NUDC: variants seen among roughly 807,000 people sequenced by gnomAD.
NUDC encodes nuclear migration protein nudC.
A neutral mutation model predicts 45.0 loss-of-function variants in NUDC; 14 were observed. The ratio of observed to expected loss-of-function variants is 0.31; its 90% CI spans 0.21 to 0.49. NUDC has a LOEUF of 0.49. NUDC is among the 20% of genes least tolerant of loss of function. The pLI is 0.99. For synonymous variants in NUDC, 153 were observed against 156.7 expected, an observed-to-expected ratio of 0.98 and a Z score of 0.17; for missense variants, 323 against 426.2, an observed-to-expected ratio of 0.76 and a Z score of 2.13.
chr1:26,923,902 G>A (rs1457800198), intron 1 of NUDC, among the ~76,000 whole-genome samples, 187 bp from the exon 2 acceptor site: 6 of 152,208 alleles, frequency 3.9e-5, no homozygotes, highest in Non-Finnish European at 8.8e-5. Flanking sequence ...CACAGGATAT[G>A]AGAAATCTGC....
intron 2 of NUDC, among the ~76,000 whole-genome samples, chr1:26,930,638 A>C (rs574559584): frequency 6.7e-6 from 1 of 150,362 alleles, no homozygotes; most frequent in Non-Finnish European, 1.5e-5. Context: ...GGAGCCCAGG[A>C]GTTTGAGGCT....
rs1390308380 is a variant in NUDC at position 26,945,373 on chromosome 1, GGTT to G, written c.742-13_742-11del. Reference sequence around the variant, plus strand: ...CAGAGCAGGCCACCTCCCACCCTCTGGTTGTTCTCTTCACAGATCAATAAGATG... The same window carrying G: ...CAGAGCAGGCCACCTCCCACCCTCTGGTTCTCTTCACAGATCAATAAGATG... On this transcript the variant is annotated splice_polypyrimidine_tract_variant and intron_variant, in intron 6 of 8. Transcript: ENST00000321265. 13 of 1,611,722 alleles carry G rather than the reference GGTT, an allele frequency of 8.1e-6. No individual in the cohort carries two copies. Among genetic ancestry groups the G allele is most frequent in the African/African-American group, 5.3e-5 (4 of 74,830 alleles).
chr1:26,927,421 G>T (rs1009260774), intron 2 of NUDC, among the ~76,000 whole-genome samples: 1 of 145,940 alleles, frequency 6.9e-6, no homozygotes, highest in Admixed American at 6.9e-5. Flanking sequence ...TTTTTGAGAC[G>T]GAGTCTTGCT....
intron 2 of NUDC, among the ~76,000 whole-genome samples, chr1:26,933,661 G>T (rs2082201870): frequency 6.6e-6 from 1 of 151,464 alleles, no homozygotes; most frequent in Admixed American, 6.6e-5. Context: ...TGATCCACCC[G>T]CCTCGGCCTC....
At chr1:26,929,387 A>G (rs1032462787) in intron 2 of NUDC, among the ~76,000 whole-genome samples, 4 of 151,900 alleles carry the variant, frequency 2.6e-5, no homozygotes, top group Non-Finnish European at 5.9e-5. Flanking sequence ...AGCCTGGGCA[A>G]CATAGCAAGA....
chr1:26,905,166 T>A lies in NUDC; in HGVS notation c.-16+2800T>A, dbSNP rs560403315. 2.1e-3 allele frequency among the ~76,000 whole-genome samples: 299 copies of A among 139,720 alleles called. 1 individual carries two copies. Among genetic ancestry groups the A allele is most frequent in the African/African-American group, 6.9e-3 (265 of 38,510 alleles). The allele number at this position is 139,720 out of a possible 152,430, so 91.7% of individuals were successfully genotyped here. On this transcript the variant is annotated intron_variant, in intron 2 of 6. Coordinates refer to the NUDC transcript ENST00000435827. ...TATTATTATTATTATTATTTTTTTT[T>A]TTTTTTTTTTTTGAGACAGAGCCTC...
intron 6 of NUDC, among the ~76,000 whole-genome samples, chr1:26,943,778 A>T (rs1449456894): frequency 6.6e-6 from 1 of 152,178 alleles, no homozygotes; most frequent in Non-Finnish European, 1.5e-5. Context: ...CACAGAGATC[A>T]GTAAATAAAG....
chr1:26,937,157 G>A (rs552035546), intron 2 of NUDC, among the ~76,000 whole-genome samples: 4 of 152,322 alleles, frequency 2.6e-5, no homozygotes, highest in African/African-American at 9.6e-5. Flanking sequence ...TAGCTGTGTA[G>A]GGCTAGGTAT....
intron 2 of NUDC, among the ~76,000 whole-genome samples, chr1:26,928,619 C>A (rs1391920937): frequency 6.6e-6 from 1 of 152,126 alleles, no homozygotes; most frequent in African/African-American, 2.4e-5. Flanking sequence ...ATTGCTTGAG[C>A]CTGGGAGGTT....
chr1:26,941,505 C>T lies in NUDC; in HGVS notation c.208C>T (p.Arg70Trp), dbSNP rs140994074. The part of the protein sequence containing the change: ...SHHNQLAQKT[R>W]REKRARQEAE... ...CCACAATCAGCTGGCACAGAAGACC[C>T]GGCGGGAGAAGAGAGCCCGGCAGGA... Residue 70 changes from arginine (R) to tryptophan (W), a missense_variant, in exon 3 of 9, where the codon CGG becomes TGG. This residue lies in a region of NUDC where 245 missense variants were observed against 278.8 expected (regional missense o/e 0.88). Coordinates refer to ENST00000321265, the MANE Select transcript of NUDC (RefSeq NM_006600.4). The T allele has an allele frequency of 1.0e-4, 162 of 1,613,898 alleles. No homozygotes were observed. Among genetic ancestry groups the T allele is most frequent in the African/African-American group, 2.4e-4 (18 of 74,912 alleles).
chr1:26,936,091 C>T (rs1034847470), intron 2 of NUDC, among the ~76,000 whole-genome samples: 1 of 128,782 alleles, frequency 7.8e-6, no homozygotes, highest in African/African-American at 2.9e-5. Context: ...GCCTCAGCCT[C>T]CCAAGTAGCT....
At chr1:26,939,779 A>G (rs760478871) in intron 2 of NUDC, among the ~76,000 whole-genome samples, 2 of 152,206 alleles carry the variant, frequency 1.3e-5, no homozygotes, top group African/African-American at 4.8e-5. Flanking sequence ...GATCCAGTAG[A>G]TCTGGAGTGG....
intron 3 of NUDC, among the ~76,000 whole-genome samples, chr1:26,915,422 C>T (rs921450335): frequency 2.0e-5 from 3 of 152,270 alleles, no homozygotes; most frequent in Admixed American, 6.5e-5. Flanking sequence ...TCCTCTGTCC[C>T]GGGCATCTTT....
intron 2 of NUDC, among the ~76,000 whole-genome samples, chr1:26,906,828 G>A (rs1188792645): frequency 4.6e-5 from 7 of 152,026 alleles, no homozygotes; most frequent in Non-Finnish European, 7.4e-5. Context: ...CAGCCTGGGC[G>A]AATGAGCAAG....
intron 2 of NUDC, among the ~76,000 whole-genome samples, chr1:26,927,053 A>G (rs978983611): frequency 2.6e-5 from 4 of 152,194 alleles, no homozygotes; most frequent in African/African-American, 9.7e-5. Context: ...AAGCAGTGAA[A>G]AAGTAGTGGG....
chr1:26,903,471 CAAT>C (rs1390997841), intron 2 of NUDC, among the ~76,000 whole-genome samples: 1 of 152,040 alleles, frequency 6.6e-6, no homozygotes, highest in Admixed American at 6.6e-5. Context: ...TTGTTTTACT[CAAT>C]GTTTAAAATG....
chr1:26,941,375 C>A, intron 2 of NUDC, 82 bp from the exon 3 acceptor site: 1 of 1,447,608 alleles, frequency 6.9e-7, no homozygotes, highest in Non-Finnish European at 9.6e-7. Context: ...TTGCACCCAG[C>A]AGGTAGAGAG....
chr1:26,920,701 T>G (rs1570720144), upstream of NUDC, among the ~76,000 whole-genome samples: 1 of 147,794 alleles, frequency 6.8e-6, no homozygotes. Flanking sequence ...GCAGGAGGAG[T>G]GCTTGAGACC....
exon 1 of NUDC, chr1:26,900,292 G>T (rs1238378743): frequency 6.2e-7 from 1 of 1,613,988 alleles, no homozygotes; most frequent in Admixed American, 1.7e-5. Flanking sequence ...TCAGGCCGAT[G>T]CCGGTAGTGG....
Sources: gnomAD v4.1 joint callset for allele counts (sites outside exome capture counted in the v4.1 genomes callset) on GRCh38, gnomAD v4.1.1 for gene constraint, gnomAD v4.1.1 regional missense constraint, MANE v1.5 for transcripts, NCBI Gene and HGNC (gene_info 2026-07-23, HGNC 2026-07-21) for gene names.